Variants in MRC2 observed in about 807,000 individuals in gnomAD.
MRC2 encodes the protein mannose receptor C-type 2.
A neutral mutation model predicts 206.2 loss-of-function variants in MRC2; 84 were observed. That is an observed-to-expected ratio of 0.41 (90% CI 0.34 to 0.49). MRC2 has a LOEUF of 0.49. MRC2 is among the 20% of genes least tolerant of loss of function. MRC2 has a pLI of 0.31. For missense variants in MRC2, 1,676 were observed against 2,001.5 expected (o/e 0.84, Z 3.10); for synonymous variants, 798 against 800.0 (o/e 1.00, Z 0.04).
intron 28 of MRC2, among the ~76,000 whole-genome samples, chr17:62,691,858 C>T (rs916585363): frequency 6.6e-6 from 1 of 151,158 alleles, no homozygotes; most frequent in Non-Finnish European, 1.5e-5. Flanking sequence ...AAGGGGCTGA[C>T]ACCCAGGCCT....
At chr17:62,651,598 C>T (rs545734522) in intron 1 of MRC2, among the ~76,000 whole-genome samples, 23 of 152,152 alleles carry the variant, frequency 1.5e-4, no homozygotes, top group Admixed American at 3.3e-4. Flanking sequence ...TTTACGGAGA[C>T]GAGTTTCACT....
At chr17:62,628,010 C>T (rs1244441663) in intron 1 of MRC2, 90 bp downstream of exon 1, 2 of 848,046 alleles carry the variant, frequency 2.4e-6, no homozygotes, top group African/African-American at 1.8e-5. Context: ...TCCTTTTCCC[C>T]CCTCTTTTCT....
In MRC2 at chr17:62,686,409, C is replaced by T. The variant is rs187788351; in HGVS notation, c.2947-1880C>T. Reference sequence around the variant, plus strand: ...CGGAGGTTGCAGTGAGCTGAGATTGCGCCATTGCACTCCAGCCTGGGCAAC... The same window carrying T: ...CGGAGGTTGCAGTGAGCTGAGATTGTGCCATTGCACTCCAGCCTGGGCAAC... On this transcript the variant is annotated intron_variant, in intron 20 of 29. Coordinates refer to ENST00000303375, the MANE Select transcript of MRC2 (RefSeq NM_006039.5). Among the ~76,000 whole-genome samples the T allele has an allele frequency of 3.8e-3, 582 of 152,018 alleles. 5 individuals are homozygous for T. Among genetic ancestry groups the T allele is most frequent in the African/African-American group, 0.013 (549 of 41,476 alleles).
intron 8 of MRC2, 54 bp from the exon 9 acceptor site, chr17:62,674,009 G>A: frequency 7.4e-7 from 1 of 1,358,646 alleles, no homozygotes; most frequent in Non-Finnish European, 1.0e-6. Flanking sequence ...AGAAGGATTT[G>A]GGAGATTTAT....
Position 62,666,269 on chromosome 17 carries a change from T to C in MRC2, c.694+2T>C. 6.4e-7 allele frequency: 1 copy of C among 1,566,864 alleles called. No individual in the cohort carries two copies. Among genetic ancestry groups the C allele is most frequent in the South Asian group, 1.2e-5 (1 of 82,742 alleles). ...GCTGGGGCTTCTGCCCCATCAAGAG[T>C]GAGAGCTGTTGGAGCCGTGGGGGCG... On this transcript the variant is annotated splice_donor_variant, in intron 3 of 29. Transcript: ENST00000303375. LOFTEE classifies it high-confidence loss of function. The surrounding 1 kb of genome is among the most constrained non-coding windows in gnomAD (Gnocchi z 5.0).
Position 62,666,324 on chromosome 17 carries a change from C to T in MRC2, c.694+57C>T. The T allele has an allele frequency of 6.4e-7, 1 of 1,555,416 alleles. No homozygotes were observed. ...CAGTGTTCCTGGAGGGAGGCTGGTGCTGAGGGGCCCCGGGGCCCAGGGTGA... is the reference window on the plus strand; with the variant it reads ...CAGTGTTCCTGGAGGGAGGCTGGTGTTGAGGGGCCCCGGGGCCCAGGGTGA... On this transcript the variant is annotated intron_variant, in intron 3 of 29. Coordinates refer to ENST00000303375, the MANE Select transcript of MRC2 (RefSeq NM_006039.5). The surrounding 1 kb of genome is among the most constrained non-coding windows in gnomAD (Gnocchi z 5.0).
At chr17:62,685,264 ACT>A (rs1263378885) in intron 20 of MRC2, among the ~76,000 whole-genome samples, 2 of 151,528 alleles carry the variant, frequency 1.3e-5, no homozygotes, top group African/African-American at 2.4e-5. Context: ...CTCACCCAAC[ACT>A]CTCTAGAGAT....
chr17:62,663,312 C>T (rs866399130), intron 1 of MRC2, among the ~76,000 whole-genome samples: 4 of 151,660 alleles, frequency 2.6e-5, no homozygotes, highest in African/African-American at 9.7e-5. Flanking sequence ...TTGCTCCTTC[C>T]TTTCTTTTTC....
chr17:62,666,031 G>T lies in MRC2; in HGVS notation c.521-63G>T, dbSNP rs1192409243. On this transcript the variant is annotated intron_variant, in intron 2 of 29. Coordinates refer to ENST00000303375, the MANE Select transcript of MRC2 (RefSeq NM_006039.5). This position sits in a 1 kb window ranked among gnomAD's most constrained non-coding sequence, Gnocchi z 5.0. Reference sequence around the variant, plus strand: ...TTTTAGGGGATTTCTCCTGAGGGTCGAGGGGCTTGGCAGCCTCTGGTGTCC... The same window carrying T: ...TTTTAGGGGATTTCTCCTGAGGGTCTAGGGGCTTGGCAGCCTCTGGTGTCC... 19 of 1,505,480 alleles carry T rather than the reference G, an allele frequency of 1.3e-5. No homozygotes were observed. The highest frequency in any genetic ancestry group is 1.5e-5 in the Non-Finnish European group (17 of 1,120,064). 93.3% of individuals were successfully genotyped at this position (1,505,480 alleles called of 1,614,324 possible).
Position 62,675,945 on chromosome 17 carries a change from G to A in MRC2, c.1685+40G>A, listed in dbSNP as rs376909200. On this transcript the variant is annotated intron_variant, in intron 10 of 29. Transcript: ENST00000303375. This position sits in a 1 kb window ranked among gnomAD's most constrained non-coding sequence, Gnocchi z 4.1. ...GGTGCCCTGACTAGCCCTTGCCCAT[G>A]TCTGGGCCTATTGTGGTCCCTTCAG... is the stretch of plus-strand genomic sequence containing the variant. The A allele has an allele frequency of 6.5e-7, 1 of 1,544,924 alleles. No individual in the cohort carries two copies. Among genetic ancestry groups the A allele is most frequent in the Non-Finnish European group, 8.9e-7 (1 of 1,118,082 alleles).
At position 62,686,486 on chromosome 17, in the gene MRC2, A is replaced by G. The variant is rs150940510; in HGVS notation, c.2947-1803A>G. 4.1e-3 allele frequency among the ~76,000 whole-genome samples: 565 copies of G among 139,130 alleles called. 3 individuals are homozygous for G. Among genetic ancestry groups the G allele is most frequent in the African/African-American group, 0.014 (548 of 38,660 alleles). The allele number at this position is 139,130 out of a possible 152,430, so 91.3% of individuals were successfully genotyped here. ...CAACAACAACAACAACAACAACAACAAAGAATCTAATGCCCTGCTGATCCA... is the reference window on the plus strand; with the variant it reads ...CAACAACAACAACAACAACAACAACGAAGAATCTAATGCCCTGCTGATCCA... On this transcript the variant is annotated intron_variant, in intron 20 of 29. Transcript: ENST00000303375.
At chr17:62,662,831 C>T (rs544986375) in intron 1 of MRC2, among the ~76,000 whole-genome samples, 12 of 152,248 alleles carry the variant, frequency 7.9e-5, no homozygotes, top group Non-Finnish European at 1.6e-4. Flanking sequence ...ATTGCTTGAA[C>T]CCAGGAGGCA....
In MRC2 at chr17:62,667,673, T is replaced by C; in HGVS notation, c.1117+140T>C. The C allele has an allele frequency of 1.1e-6, 1 of 949,036 alleles. No individual in the cohort carries two copies. Among genetic ancestry groups the C allele is most frequent in the Non-Finnish European group, 1.5e-6 (1 of 676,516 alleles). 58.8% of individuals were successfully genotyped at this position (949,036 alleles called of 1,614,324 possible). On this transcript the variant is annotated intron_variant, in intron 6 of 29. Transcript: ENST00000303375. This position sits in a 1 kb window ranked among gnomAD's most constrained non-coding sequence, Gnocchi z 4.1. ...TCTGGATCCTCTGACTCTTATTTCATTGTTCAGTTAAAGTCTGAGCAAATT... is the reference window on the plus strand; with the variant it reads ...TCTGGATCCTCTGACTCTTATTTCACTGTTCAGTTAAAGTCTGAGCAAATT...
Position 62,675,192 on chromosome 17 carries a change from A to G in MRC2, c.1570-598A>G, listed in dbSNP as rs2088875975. On this transcript the variant is annotated intron_variant, in intron 9 of 29. Coordinates refer to ENST00000303375, the MANE Select transcript of MRC2 (RefSeq NM_006039.5). The surrounding 1 kb of genome is among the most constrained non-coding windows in gnomAD (Gnocchi z 4.1). ...GGGGAGTGTTGAGGGTCCATGGTTA[A>G]CAGCCCAGGATCACCAGGGGTCTTG... Among the ~76,000 whole-genome samples the G allele has an allele frequency of 6.6e-6, 1 of 152,154 alleles. No individual in the cohort carries two copies. The highest frequency in any genetic ancestry group is 2.4e-5 in the African/African-American group (1 of 41,440).
chr17:62,688,251 G>A, intron 20 of MRC2, 38 bp from the exon 21 acceptor site: 1 of 1,586,830 alleles, frequency 6.3e-7, no homozygotes, highest in Non-Finnish European at 8.6e-7. Flanking sequence ...GGATGGGGTG[G>A]TGGGGCTGGC....
In MRC2 at chr17:62,680,692, C is replaced by A; in HGVS notation, c.2474-108C>A. Reference sequence around the variant, plus strand: ...TGCCTGGGTCCGGTGTGCCTGCAGGCTCGCCTGCTGCCGCCTGGCTCTGCC... The same window carrying A: ...TGCCTGGGTCCGGTGTGCCTGCAGGATCGCCTGCTGCCGCCTGGCTCTGCC... On this transcript the variant is annotated intron_variant, in intron 16 of 29. Coordinates refer to ENST00000303375, the MANE Select transcript of MRC2 (RefSeq NM_006039.5). This position sits in a 1 kb window ranked among gnomAD's most constrained non-coding sequence, Gnocchi z 4.8. 7.4e-7 allele frequency: 1 copy of A among 1,356,998 alleles called. No individual in the cohort carries two copies. The highest frequency in any genetic ancestry group is 9.6e-7 in the Non-Finnish European group (1 of 1,041,832). 84.1% of individuals were successfully genotyped at this position (1,356,998 alleles called of 1,614,324 possible).
Position 62,664,494 on chromosome 17 carries a change from AGG to A in MRC2, c.119-52_119-51del. The A allele has an allele frequency of 6.4e-7, 1 of 1,551,086 alleles. No individual in the cohort carries two copies. Among genetic ancestry groups the A allele is most frequent in the Non-Finnish European group, 8.7e-7 (1 of 1,149,782 alleles). On this transcript the variant is annotated intron_variant, in intron 1 of 29. Coordinates refer to ENST00000303375, the MANE Select transcript of MRC2 (RefSeq NM_006039.5). The surrounding 1 kb of genome is among the most constrained non-coding windows in gnomAD (Gnocchi z 4.7). ...TGCCTGTCAGCCACACCGGTCATCAAGGGCCAACCAGGAGAGCCCCTGTGATG... is the reference window on the plus strand; with the variant it reads ...TGCCTGTCAGCCACACCGGTCATCAAGCCAACCAGGAGAGCCCCTGTGATG...
intron 1 of MRC2, among the ~76,000 whole-genome samples, chr17:62,638,438 C>T (rs906329546): frequency 6.6e-5 from 10 of 152,062 alleles, no homozygotes; most frequent in African/African-American, 2.4e-4. Context: ...GGAATTTTTA[C>T]TTTTAAATGT....
In MRC2 at chr17:62,692,221, G is replaced by A. The variant is rs777429677; in HGVS notation, c.4220-10G>A. 33 of 1,612,270 alleles carry A rather than the reference G, an allele frequency of 2.0e-5. No individual in the cohort carries two copies. Among genetic ancestry groups the A allele is most frequent in the African/African-American group, 9.3e-5 (7 of 74,914 alleles). ...CCCACTTGGCCTTTCACGCCCACTCGCCTTGGCAGCGCTTCCAGAGAACCC... is the reference window on the plus strand; with the variant it reads ...CCCACTTGGCCTTTCACGCCCACTCACCTTGGCAGCGCTTCCAGAGAACCC... On this transcript the variant is annotated splice_polypyrimidine_tract_variant and intron_variant, in intron 29 of 29. Transcript: ENST00000303375. This position sits in a 1 kb window ranked among gnomAD's most constrained non-coding sequence, Gnocchi z 4.2.
Sources: allele counts gnomAD v4.1 joint callset (sites outside exome capture counted in the v4.1 genomes callset), GRCh38; gene constraint gnomAD v4.1.1; non-coding constraint Gnocchi (gnomAD v3.1); transcripts MANE v1.5; gene names NCBI Gene and HGNC (gene_info 2026-07-23, HGNC 2026-07-21).